RANBP2: variants seen among roughly 807,000 people sequenced by gnomAD.
RANBP2 encodes RAN binding protein 2.
RANBP2 carries 57 observed loss-of-function variants against 303.6 expected under a neutral mutation model. The observed-to-expected ratio is 0.19, with a 90% CI of 0.15 to 0.23. The LOEUF (loss-of-function observed/expected upper bound fraction) is 0.23. Ranked by LOEUF, RANBP2 falls within the 10% of genes least tolerant of loss-of-function variation. RANBP2 has a pLI of 1.00. For missense variants in RANBP2, 3,138 were observed against 3,780.8 expected, an observed-to-expected ratio of 0.83 and a Z score of 4.46; for synonymous variants, 1,167 against 1,301.5, an observed-to-expected ratio of 0.90 and a Z score of 2.23.
At chr2:108,733,090 C>G (rs1240838259) in intron 4 of RANBP2, among the ~76,000 whole-genome samples, 1 of 152,110 alleles carries the variant, frequency 6.6e-6, no homozygotes, top group South Asian at 2.1e-4. Context: ...TCCCAAAGTG[C>G]TAGGATTACA....
the RANBP2 span, among the ~76,000 whole-genome samples, chr2:109,087,078 C>A: frequency 6.6e-6 from 1 of 152,176 alleles, no homozygotes; most frequent in Non-Finnish European, 1.5e-5. Context: ...CCCCTGAAGA[C>A]AAGGCGAATG....
At position 108,767,759 on chromosome 2, in the gene RANBP2, G is replaced by T; in HGVS notation, c.7220G>T (p.Cys2407Phe). The stretch of plus-strand genomic sequence containing the variant: ...GAAAGAGTATGGTTGTGGACTGCAT[G>T]TGATTTTGCAGATGGAGAAAGAAAA... Reference protein sequence around the residue: ...GTERVWLWTACDFADGERKVE... With the variant: ...GTERVWLWTAFDFADGERKVE... Residue 2407 changes from cysteine to phenylalanine, a missense_variant, in exon 20 of 29, where the codon TGT (cysteine) becomes TTT (phenylalanine). Around this residue, in one of 20 missense-constraint regions of RANBP2, gnomAD observed 92 missense variants for 211.0 expected, o/e 0.44. Transcript: ENST00000283195. 1 of 1,612,014 alleles carries T rather than the reference G, an allele frequency of 6.2e-7. No homozygotes were observed. Among genetic ancestry groups the T allele is most frequent in the Non-Finnish European group, 8.5e-7 (1 of 1,179,874 alleles).
At chr2:109,661,843 C>T in the RANBP2 span, among the ~76,000 whole-genome samples, 1 of 152,162 alleles carries the variant, frequency 6.6e-6, no homozygotes, top group Non-Finnish European at 1.5e-5. Context: ...CTATTTCTTC[C>T]TCTGGTAATA....
the RANBP2 span, among the ~76,000 whole-genome samples, chr2:108,938,094 ACT>A: frequency 6.6e-6 from 1 of 152,064 alleles, no homozygotes; most frequent in Non-Finnish European, 1.5e-5. Flanking sequence ...ATTCTTCAGA[ACT>A]CTCTGTGCAT....
At chr2:109,667,163 T>G in the RANBP2 span, 1 of 1,325,812 alleles carries the variant, frequency 7.5e-7, no homozygotes, top group Non-Finnish European at 1.1e-6. Flanking sequence ...AACATTTTAA[T>G]TCACTGCACA....
At chr2:108,973,357 C>G in the RANBP2 span, among the ~76,000 whole-genome samples, 1 of 152,208 alleles carries the variant, frequency 6.6e-6, no homozygotes, top group Admixed American at 6.5e-5. Context: ...ACTCAGGGGG[C>G]TGGCTAGGGC....
the RANBP2 span, among the ~76,000 whole-genome samples, chr2:108,915,637 T>G: frequency 1.3e-5 from 2 of 152,088 alleles, no homozygotes; most frequent in South Asian, 4.1e-4. Context: ...CGGTGGCTCA[T>G]GCCTATAATC....
At chr2:109,731,873 G>A in the RANBP2 span, among the ~76,000 whole-genome samples, 72 of 144,582 alleles carry the variant, frequency 5.0e-4, no homozygotes, top group Admixed American at 1.1e-3. Context: ...AGGAGGGCAG[G>A]GTCTCACTCT....
the RANBP2 span, among the ~76,000 whole-genome samples, chr2:109,018,549 T>C: frequency 6.6e-6 from 1 of 152,216 alleles, no homozygotes; most frequent in Non-Finnish European, 1.5e-5. Flanking sequence ...GCATGTAACA[T>C]GCAGTGTGCG....
chr2:109,477,611 TG>T, the RANBP2 span, among the ~76,000 whole-genome samples: 5 of 100,742 alleles, frequency 5.0e-5, no homozygotes, highest in Non-Finnish European at 1.1e-4. Flanking sequence ...ATGCCACAGA[TG>T]GGTGTGTGTG....
At chr2:109,025,814 G>GA in the RANBP2 span, among the ~76,000 whole-genome samples, 13 of 148,372 alleles carry the variant, frequency 8.8e-5, no homozygotes, top group African/African-American at 3.0e-4. Flanking sequence ...AAAAAAAAAA[G>GA]AAAAAAAATT....
At chr2:109,499,570 G>C in the RANBP2 span, among the ~76,000 whole-genome samples, 1 of 152,210 alleles carries the variant, frequency 6.6e-6, no homozygotes, top group Non-Finnish European at 1.5e-5. Flanking sequence ...GGGAGGCCCA[G>C]CTAGTGGGAG....
At chr2:108,919,522 C>T in the RANBP2 span, among the ~76,000 whole-genome samples, 1 of 152,124 alleles carries the variant, frequency 6.6e-6, no homozygotes, top group African/African-American at 2.4e-5. Context: ...CCACGCCCAG[C>T]TAATTTTGTA....
At chr2:109,660,858 G>C in the RANBP2 span, among the ~76,000 whole-genome samples, 9 of 151,908 alleles carry the variant, frequency 5.9e-5, no homozygotes, top group Non-Finnish European at 8.8e-5. Flanking sequence ...TGGGTGTAGA[G>C]AAGGTGCTAG....
chr2:109,504,173 AG>A, the RANBP2 span: 1 of 152,226 alleles, frequency 6.6e-6, no homozygotes, highest in Non-Finnish European at 1.5e-5. Context: ...CTTGCCTCAA[AG>A]GGTACACATG....
At chr2:109,318,525 C>T in the RANBP2 span, among the ~76,000 whole-genome samples, 2 of 152,280 alleles carry the variant, frequency 1.3e-5, no homozygotes, top group Non-Finnish European at 2.9e-5. Context: ...GTGGGATAAA[C>T]GCTGTGAGAG....
chr2:109,398,518 G>C, the RANBP2 span: 36 of 1,326,264 alleles, frequency 2.7e-5, no homozygotes, highest in South Asian at 4.8e-4. Context: ...ATGTGGCCTG[G>C]AGAGTGCAGA....
At chr2:109,444,797 C>G in the RANBP2 span, among the ~76,000 whole-genome samples, 1 of 152,192 alleles carries the variant, frequency 6.6e-6, no homozygotes, top group Admixed American at 6.5e-5. Flanking sequence ...GATTTCAAAA[C>G]ACAAAAGGGA....
At chr2:108,905,624 C>T in the RANBP2 span, among the ~76,000 whole-genome samples, 10,320 of 152,106 alleles carry the variant, frequency 0.068, 1,168 homozygotes, top group African/African-American at 0.24. Flanking sequence ...AAGGAGTCCA[C>T]GGAGGGAGGC....
Sources: gnomAD v4.1 joint callset for allele counts (sites outside exome capture counted in the v4.1 genomes callset) on GRCh38, gnomAD v4.1.1 for gene constraint, gnomAD v4.1.1 regional missense constraint, MANE v1.5 for transcripts, NCBI Gene and HGNC (gene_info 2026-07-23, HGNC 2026-07-21) for gene names.